Variants in RIPOR3 observed in about 807,000 individuals in gnomAD.
RIPOR3 encodes the protein family with sequence similarity 65 member C.
A neutral mutation model predicts 114.3 loss-of-function variants in RIPOR3; 95 were observed. That is an observed-to-expected ratio of 0.83 (90% CI 0.70 to 0.99). The LOEUF is 0.99. Among genes scored for constraint, RIPOR3 ranks in the 50% least tolerant of loss-of-function variants. The pLI is 0.00. For synonymous variants in RIPOR3, 575 were observed against 543.8 expected, an observed-to-expected ratio of 1.06 and a Z score of -0.80; for missense variants, 1,252 against 1,266.9, an observed-to-expected ratio of 0.99 and a Z score of 0.18.
intron 11 of RIPOR3, among the ~76,000 whole-genome samples, chr20:50,606,500 A>G (rs2083721666): frequency 6.6e-6 from 1 of 152,162 alleles, no homozygotes; most frequent in Admixed American, 6.5e-5. Context: ...CATGGCTCAG[A>G]TGGAAAGGGA....
intron 11 of RIPOR3, among the ~76,000 whole-genome samples, chr20:50,607,711 CGAGG>C (rs1289482260): frequency 6.6e-6 from 1 of 152,138 alleles, no homozygotes; most frequent in Non-Finnish European, 1.5e-5. Flanking sequence ...ACCCAGCTCA[CGAGG>C]GAGAGGGCAG....
intron 1 of RIPOR3, among the ~76,000 whole-genome samples, chr20:50,635,315 C>T (rs2084946001): frequency 1.3e-5 from 2 of 152,198 alleles, no homozygotes; most frequent in South Asian, 4.1e-4. Flanking sequence ...CTCCCAACAC[C>T]ATATGAGACA....
At position 50,609,647 on chromosome 20, in the gene RIPOR3, C is replaced by A; in HGVS notation, c.502G>T (p.Ala168Ser). ...DGASSMQRAF[A>S]RCPPSRAARE... ...GCTGCGCGGCTCGGGGGGCACCGGG[C>A]GAAGGCCCGCTGCATGCTGGAGGCG... Residue 168 changes from alanine to serine, a missense_variant, in exon 7 of 22, where the codon GCC (alanine) becomes TCC (serine). Transcript: ENST00000327979. 2.9e-6 allele frequency: 4 copies of A among 1,398,846 alleles called. No individual in the cohort carries two copies. The highest frequency in any genetic ancestry group is 3.7e-6 in the Non-Finnish European group (4 of 1,079,226). 86.7% of individuals were successfully genotyped at this position (1,398,846 alleles called of 1,614,324 possible).
chr20:50,641,417 A>G (rs1160273298), intron 1 of RIPOR3, among the ~76,000 whole-genome samples: 1 of 151,582 alleles, frequency 6.6e-6, no homozygotes, highest in African/African-American at 2.4e-5. Flanking sequence ...GGGTCTCTCT[A>G]TGTGGCCCAG....
intron 2 of RIPOR3, among the ~76,000 whole-genome samples, chr20:50,627,905 T>G (rs2084681800): frequency 6.6e-6 from 1 of 152,188 alleles, no homozygotes; most frequent in Admixed American, 6.5e-5. Context: ...ACCCTACCCC[T>G]CCTTCCAGAC....
chr20:50,619,008 C>T (rs2084291183), intron 3 of RIPOR3, among the ~76,000 whole-genome samples: 1 of 152,106 alleles, frequency 6.6e-6, no homozygotes, highest in African/African-American at 2.4e-5. Context: ...GTCAGGAGTT[C>T]GAGACCAGCC....
chr20:50,622,972 A>G (rs1306019570), intron 2 of RIPOR3, among the ~76,000 whole-genome samples: 1 of 152,194 alleles, frequency 6.6e-6, no homozygotes, highest in Non-Finnish European at 1.5e-5. Context: ...CTTAGAAAAC[A>G]TTAGGTGCAG....
chr20:50,586,993 T>C lies in RIPOR3; in HGVS notation c.*239A>G. On this transcript the variant is annotated 3_prime_UTR_variant, in exon 22 of 22. Coordinates refer to ENST00000327979, the MANE Select transcript of RIPOR3 (RefSeq NM_001290268.2). ...AGACCCTCAGCCAGAAGTTGAGCGC[T>C]CTGTTGAGGCCGTGCAGCCCCTGGA... The C allele has an allele frequency of 2.0e-6, 1 of 488,884 alleles. No homozygotes were observed. The allele number at this position is 488,884 out of a possible 1,614,324, so 30.3% of individuals were successfully genotyped here. A position where few individuals can be genotyped will look rare whatever the true frequency, so the allele number is the denominator to read the frequency against.
intron 1 of RIPOR3, among the ~76,000 whole-genome samples, chr20:50,643,872 C>A (rs954492759): frequency 1.3e-5 from 2 of 151,996 alleles, no homozygotes; most frequent in African/African-American, 4.8e-5. Context: ...CGCCACTGTG[C>A]CCGGCTAATT....
chr20:50,656,478 AT>A (rs1347665967), intron 1 of RIPOR3, among the ~76,000 whole-genome samples: 5 of 152,076 alleles, frequency 3.3e-5, no homozygotes, highest in South Asian at 4.1e-4. Context: ...AATATATACA[AT>A]TTTTTATCTT....
chr20:50,680,898 T>C (rs1280020048), intron 1 of RIPOR3, among the ~76,000 whole-genome samples: 3 of 152,020 alleles, frequency 2.0e-5, no homozygotes, highest in Non-Finnish European at 4.4e-5. Flanking sequence ...AAGAACATAT[T>C]CCGGGGAAAT....
At chr20:50,663,651 G>A (rs534030529) in intron 1 of RIPOR3, among the ~76,000 whole-genome samples, 30 of 152,192 alleles carry the variant, frequency 2.0e-4, no homozygotes, top group African/African-American at 6.0e-4. Flanking sequence ...GCAAACAAGC[G>A]GCTGGTTCTC....
Position 50,602,660 on chromosome 20 carries a change from G to T in RIPOR3, c.1087-16C>A. On this transcript the variant is annotated splice_polypyrimidine_tract_variant and intron_variant, in intron 12 of 21. Transcript: ENST00000327979. This position sits in a 1 kb window ranked among gnomAD's most constrained non-coding sequence, Gnocchi z 4.3. Reference sequence around the variant, plus strand: ...GTAGGACAGACTGGAGAGGGGACACGGGAGCGGCCTCACCAGCCACCCCAG... The same window carrying T: ...GTAGGACAGACTGGAGAGGGGACACTGGAGCGGCCTCACCAGCCACCCCAG... The T allele has an allele frequency of 6.9e-7, 1 of 1,439,442 alleles. No homozygotes were observed. Among genetic ancestry groups the T allele is most frequent in the Non-Finnish European group, 9.1e-7 (1 of 1,093,132 alleles). 89.2% of individuals were successfully genotyped at this position (1,439,442 alleles called of 1,614,324 possible). A position where few individuals can be genotyped will look rare whatever the true frequency, so the allele number is the denominator to read the frequency against.
At position 50,587,278 on chromosome 20, in the gene RIPOR3, C is replaced by T. The variant is rs267605990; in HGVS notation, c.2807G>A (p.Arg936Lys). 6.2e-7 allele frequency: 1 copy of T among 1,614,136 alleles called. No homozygotes were observed. The highest frequency in any genetic ancestry group is 8.5e-7 in the Non-Finnish European group (1 of 1,180,058). Residue 936 changes from arginine (R) to lysine (K), a missense_variant, in exon 22 of 22, where the codon AGA becomes AAA. Coordinates refer to ENST00000327979, the MANE Select transcript of RIPOR3 (RefSeq NM_001290268.2). ...EKMDKLCSEQ[R>K]EVFCQEADVE... ...ATCTGCCTCCTGGCAAAAGACTTCT[C>T]TTTGTTCTGAGCAGAGCTTGTCCAT...
chr20:50,597,768 A>C, intron 13 of RIPOR3, 58 bp from the exon 14 acceptor site: 1 of 1,585,650 alleles, frequency 6.3e-7, no homozygotes, highest in Admixed American at 1.7e-5. Flanking sequence ...CCCGACTGGG[A>C]CACTGGCCAG....
At chr20:50,680,987 G>C (rs939701640) in intron 1 of RIPOR3, among the ~76,000 whole-genome samples, 1 of 152,096 alleles carries the variant, frequency 6.6e-6, no homozygotes, top group Non-Finnish European at 1.5e-5. Flanking sequence ...ACTTTGGGGG[G>C]CTAAGGCGGG....
chr20:50,606,965 G>T (rs1232443101), intron 11 of RIPOR3, among the ~76,000 whole-genome samples: 1 of 152,074 alleles, frequency 6.6e-6, no homozygotes, highest in Non-Finnish European at 1.5e-5. Context: ...CCTGACCTCG[G>T]GTGATCTGCC....
At chr20:50,676,124 C>T (rs781041776) in intron 1 of RIPOR3, among the ~76,000 whole-genome samples, 15 of 152,200 alleles carry the variant, frequency 9.9e-5, no homozygotes, top group Admixed American at 6.5e-5. Flanking sequence ...TGAGTTCCTT[C>T]GCCTTTTGTC....
At chr20:50,593,005 T>C (rs201175363) in intron 18 of RIPOR3, 30 bp downstream of exon 18, 19 of 1,611,596 alleles carry the variant, frequency 1.2e-5, no homozygotes, top group Non-Finnish European at 1.6e-5. Context: ...GATATTCCTC[T>C]GCTATGACAG....
Sources: gnomAD v4.1 joint callset for allele counts (sites outside exome capture counted in the v4.1 genomes callset) on GRCh38, gnomAD v4.1.1 for gene constraint, Gnocchi (gnomAD v3.1) non-coding constraint, MANE v1.5 for transcripts, NCBI Gene and HGNC (gene_info 2026-07-23, HGNC 2026-07-21) for gene names.